The following NCKAP5 variants were observed in gnomAD, a reference collection of about 807,000 sequenced individuals.
NCKAP5 encodes NCK associated protein 5, also known as nck-associated protein 5.
In NCKAP5, 92 loss-of-function variants were observed where a neutral mutation model predicts 167.0. The observed-to-expected ratio is 0.55, with a 90% CI of 0.47 to 0.66. The LOEUF is 0.66. Among genes scored for constraint, NCKAP5 ranks in the 30% least tolerant of loss-of-function variants. The pLI is 0.00. For synonymous variants in NCKAP5, 891 were observed against 877.4 expected, an observed-to-expected ratio of 1.02 and a Z score of -0.27; for missense variants, 2,378 against 2,315.0, an observed-to-expected ratio of 1.03 and a Z score of -0.56.
intron 3 of NCKAP5, among the ~76,000 whole-genome samples, chr2:133,329,621 G>A (rs552731698): frequency 6.6e-6 from 1 of 152,266 alleles, no homozygotes; most frequent in African/African-American, 2.4e-5. Flanking sequence ...CACTGGAATT[G>A]TCAAAATTAA....
chr2:132,811,085 T>C (rs760685673), intron 11 of NCKAP5, among the ~76,000 whole-genome samples: 2 of 152,170 alleles, frequency 1.3e-5, no homozygotes, highest in Admixed American at 1.3e-4. Flanking sequence ...AGACAGGTAC[T>C]GGGGGTTGTC....
intron 8 of NCKAP5, among the ~76,000 whole-genome samples, chr2:132,897,986 T>C (rs1693335601): frequency 6.6e-6 from 1 of 152,144 alleles, no homozygotes; most frequent in African/African-American, 2.4e-5. Flanking sequence ...ACAATAAAGG[T>C]TGCAGCATCA....
chr2:133,403,773 T>C (rs2151029887), intron 3 of NCKAP5, among the ~76,000 whole-genome samples: 1 of 152,224 alleles, frequency 6.6e-6, no homozygotes, highest in South Asian at 2.1e-4. Context: ...CCCTTCTGAG[T>C]AAAAGGTAGT....
At chr2:132,810,945 C>T (rs191471909) in intron 11 of NCKAP5, among the ~76,000 whole-genome samples, 1 of 152,258 alleles carries the variant, frequency 6.6e-6, no homozygotes, top group East Asian at 1.9e-4. Context: ...TTGTTCAGAT[C>T]TTTTTGTCCT....
the NCKAP5 span, among the ~76,000 whole-genome samples, chr2:133,606,402 G>A: frequency 5.8e-4 from 89 of 152,242 alleles, no homozygotes; most frequent in African/African-American, 1.8e-3. Flanking sequence ...TCATCAAAAC[G>A]TCTTTGGAAT....
chr2:132,898,705 AG>A (rs1226880444), intron 8 of NCKAP5, among the ~76,000 whole-genome samples: 1 of 152,250 alleles, frequency 6.6e-6, no homozygotes, highest in Non-Finnish European at 1.5e-5. Context: ...TTGGATGGCA[AG>A]GTACATAGTT....
chr2:133,247,261 A>C (rs764588939), intron 4 of NCKAP5, among the ~76,000 whole-genome samples: 9 of 152,178 alleles, frequency 5.9e-5, no homozygotes. Flanking sequence ...TCAACACACA[A>C]ATCTAGCTTC....
At chr2:133,485,598 G>A (rs1401486890) in intron 3 of NCKAP5, among the ~76,000 whole-genome samples, 2 of 152,140 alleles carry the variant, frequency 1.3e-5, no homozygotes, top group South Asian at 2.1e-4. Flanking sequence ...TGAAGTCATC[G>A]ATCGGCACAT....
intron 8 of NCKAP5, among the ~76,000 whole-genome samples, chr2:132,934,691 T>G (rs909866172): frequency 6.6e-6 from 1 of 152,244 alleles, no homozygotes; most frequent in Non-Finnish European, 1.5e-5. Context: ...TTAAAACATG[T>G]ACATTTGTTA....
intron 3 of NCKAP5, among the ~76,000 whole-genome samples, chr2:133,382,746 TTAA>T (rs1438170197): frequency 6.6e-6 from 1 of 152,182 alleles, no homozygotes; most frequent in African/African-American, 2.4e-5. Context: ...CTTTCATCTG[TTAA>T]TAATTAGACA....
rs73957623 is a variant in NCKAP5, at chr2:132,706,726, C to A, written c.5713+18901G>T. On this transcript the variant is annotated intron_variant, in intron 19 of 19. Transcript: ENST00000409261. ...TATGTAATTATACTTTTGGTCCTGG[C>A]TGTTAGACAGCTGCTTCCCAGGGTC... 8.0e-3 allele frequency among the ~76,000 whole-genome samples: 1,224 copies of A among 152,138 alleles called. 24 individuals carry two copies. The highest frequency in any genetic ancestry group is 0.028 in the African/African-American group (1,164 of 41,524).
the NCKAP5 span, among the ~76,000 whole-genome samples, chr2:133,586,945 G>T: frequency 1.3e-5 from 2 of 152,096 alleles, no homozygotes; most frequent in African/African-American, 4.8e-5. Flanking sequence ...AATAAAAGAG[G>T]TCTGCAGCCA....
At chr2:133,241,741 A>G (rs1165142770) in intron 4 of NCKAP5, among the ~76,000 whole-genome samples, 7 of 152,180 alleles carry the variant, frequency 4.6e-5, no homozygotes, top group Admixed American at 4.6e-4. Context: ...TGGTTTGTCC[A>G]CTAGGCCTTC....
In NCKAP5 at chr2:132,774,002, G is replaced by T. The variant is rs1682325366; in HGVS notation, c.5050-108C>A. 6 of 857,218 alleles carry T rather than the reference G, an allele frequency of 7.0e-6. No individual in the cohort carries two copies. In the Admixed American group the frequency reaches 1.4e-4, roughly 20 times the overall value. 53.1% of individuals were successfully genotyped at this position (857,218 alleles called of 1,614,324 possible). Reference sequence around the variant, plus strand: ...CTATAACAAATATGTGGGCATAGGTGTGAGTGTTTGCATGTATATACATGT... The same window carrying T: ...CTATAACAAATATGTGGGCATAGGTTTGAGTGTTTGCATGTATATACATGT... On this transcript the variant is annotated intron_variant, in intron 15 of 19. Transcript: ENST00000409261.
intron 3 of NCKAP5, among the ~76,000 whole-genome samples, chr2:133,462,967 G>A (rs370358154): frequency 5.9e-4 from 90 of 152,262 alleles, no homozygotes; most frequent in African/African-American, 2.1e-3. Context: ...TGACTTCACC[G>A]AATATCTTCT....
At chr2:133,023,474 AG>A (rs569902344) in intron 6 of NCKAP5, among the ~76,000 whole-genome samples, 20 of 152,136 alleles carry the variant, frequency 1.3e-4, no homozygotes, top group Non-Finnish European at 2.6e-4. Flanking sequence ...TTTTAGATTT[AG>A]GGGGTACATG....
intron 3 of NCKAP5, among the ~76,000 whole-genome samples, chr2:133,516,579 G>A (rs961173831): frequency 2.0e-5 from 3 of 152,152 alleles, no homozygotes; most frequent in Non-Finnish European, 4.4e-5. Flanking sequence ...TAATCTGTCC[G>A]TGACAGAGCA....
intron 3 of NCKAP5, among the ~76,000 whole-genome samples, chr2:133,475,051 C>T (rs4954052): frequency 0.33 from 50,752 of 151,982 alleles, 9,012 homozygotes; most frequent in Non-Finnish European, 0.4. Context: ...CCTCGTGATC[C>T]GCCCGCCTCA....
At chr2:133,580,414 G>C in the NCKAP5 span, among the ~76,000 whole-genome samples, 2 of 152,116 alleles carry the variant, frequency 1.3e-5, no homozygotes, top group Non-Finnish European at 2.9e-5. Context: ...TGAACCCCAG[G>C]CTAAGGTCAT....
Sources: allele counts gnomAD v4.1 joint callset (sites outside exome capture counted in the v4.1 genomes callset), GRCh38; gene constraint gnomAD v4.1.1; transcripts MANE v1.5; gene names NCBI Gene and HGNC (gene_info 2026-07-23, HGNC 2026-07-21).